NTAN1: variants seen among roughly 807,000 people sequenced by gnomAD.
NTAN1 encodes N-terminal asparagine amidase, also known as protein N-terminal asparagine amidohydrolase.
NTAN1 carries 32 observed loss-of-function variants against 41.9 expected under a neutral mutation model. The ratio of observed to expected loss-of-function variants is 0.76; its 90% CI spans 0.58 to 1.03. The LOEUF (loss-of-function observed/expected upper bound fraction) is 1.03. NTAN1 is among the 50% of genes least tolerant of loss of function. NTAN1 has a pLI of 0.00. For synonymous variants in NTAN1, 140 were observed against 139.5 expected, an observed-to-expected ratio of 1.00 and a Z score of -0.03; for missense variants, 377 against 377.5, an observed-to-expected ratio of 1.00 and a Z score of 0.01.
At chr16:15,039,692 G>A (rs2043721202) in intron 8 of NTAN1, among the ~76,000 whole-genome samples, 4 of 152,168 alleles carry the variant, frequency 2.6e-5, no homozygotes, top group African/African-American at 9.7e-5. Context: ...CTCTTACAAA[G>A]TAACAGAAGT....
At chr16:15,049,539 G>A (rs914133213) in intron 1 of NTAN1, among the ~76,000 whole-genome samples, 6 of 151,444 alleles carry the variant, frequency 4.0e-5, no homozygotes, top group Non-Finnish European at 5.9e-5. Flanking sequence ...AGCGATTCTC[G>A]TGCCTCAGCC....
intron 4 of NTAN1, 134 bp downstream of exon 4, chr16:15,047,308 G>C (rs975498769): frequency 3.0e-6 from 2 of 670,948 alleles, no homozygotes; most frequent in Admixed American, 4.6e-5. Flanking sequence ...CGTCGTGCCA[G>C]GTTCTGTTCC....
At chr16:15,043,079 T>C (rs963568869) in intron 5 of NTAN1, among the ~76,000 whole-genome samples, 6 of 152,280 alleles carry the variant, frequency 3.9e-5, no homozygotes, top group Middle Eastern at 6.8e-3. Flanking sequence ...TTTGTATTTT[T>C]AGTAGAGACG....
In NTAN1 at chr16:15,038,197, G is replaced by A. The variant is rs771761905; in HGVS notation, c.767C>T (p.Ser256Leu). The A allele has an allele frequency of 3.4e-5, 55 of 1,612,208 alleles. No homozygotes were observed. Among genetic ancestry groups the A allele is most frequent in the Non-Finnish European group, 4.2e-5 (50 of 1,179,196 alleles). ...AAAGTGGGGTGGCTCAGCCAGAGGC[G>A]AAGTGGAAAGATTCTGAAAACACAA... ...DKQILENLST[S>L]PLAEPPHFVE... Residue 256 changes from serine to leucine, a missense_variant, in exon 10 of 10, where the codon TCG becomes TTG. Physicochemically the swap from Ser to Leu is moderately radical, Grantham distance 145 (BLOSUM62 -2). Coordinates refer to ENST00000287706, the MANE Select transcript of NTAN1 (RefSeq NM_173474.4).
Position 15,041,805 on chromosome 16 carries a change from A to AC in NTAN1, c.434-130dup, listed in dbSNP as rs2043827807. On this transcript the variant is annotated intron_variant, in intron 5 of 9. Transcript: ENST00000287706. ...GTGCTCCGCCCTACAGCCCGCGCCC[A>AC]CACTGCCACAGCCTGGCCTATGGGG... 5.6e-6 allele frequency: 4 copies of AC among 719,192 alleles called. No homozygotes were observed. The East Asian group carries it at 1.1e-4, about 19-fold the overall frequency. 44.6% of individuals were successfully genotyped at this position (719,192 alleles called of 1,614,324 possible).
chr16:15,054,144 G>A (rs1191525486), intron 1 of NTAN1, among the ~76,000 whole-genome samples: 7 of 152,148 alleles, frequency 4.6e-5, no homozygotes, highest in African/African-American at 1.7e-4. Flanking sequence ...CGCCCCAGGC[G>A]GCTTGCCCAG....
At chr16:15,042,041 C>T (rs934105004) in intron 5 of NTAN1, among the ~76,000 whole-genome samples, 1 of 152,166 alleles carries the variant, frequency 6.6e-6, no homozygotes, top group Non-Finnish European at 1.5e-5. Context: ...AAAAATCTGG[C>T]CACTGTAACA....
At chr16:15,041,314 G>A (rs1161404137) in intron 6 of NTAN1, among the ~76,000 whole-genome samples, 193 bp from the exon 7 acceptor site, 3 of 152,142 alleles carry the variant, frequency 2.0e-5, no homozygotes, top group Non-Finnish European at 4.4e-5. Flanking sequence ...CAAACTGGCA[G>A]CTGCAGAATC....
chr16:15,055,401 G>A (rs1567777356), intron 1 of NTAN1, among the ~76,000 whole-genome samples: 1 of 152,196 alleles, frequency 6.6e-6, no homozygotes, highest in African/African-American at 2.4e-5. Flanking sequence ...GAGAGAGGAG[G>A]AAGGACTGGG....
At chr16:15,052,878 G>T (rs1400057450) in intron 1 of NTAN1, among the ~76,000 whole-genome samples, 3 of 152,036 alleles carry the variant, frequency 2.0e-5, no homozygotes, top group Non-Finnish European at 2.9e-5. Context: ...GCTACGCTGC[G>T]AGCATCTTGT....
At chr16:15,055,582 C>T (rs891626655) in intron 1 of NTAN1, among the ~76,000 whole-genome samples, 3 of 152,222 alleles carry the variant, frequency 2.0e-5, no homozygotes, top group African/African-American at 7.2e-5. Context: ...GCTGCAGCCG[C>T]CCCGTCGGGG....
intron 5 of NTAN1, 117 bp from the exon 6 acceptor site, chr16:15,041,793 C>G: frequency 1.3e-6 from 1 of 755,900 alleles, no homozygotes; most frequent in Non-Finnish European, 2.4e-6. Flanking sequence ...CTCCGCCCTA[C>G]AGCCCGCGCC....
intron 4 of NTAN1, among the ~76,000 whole-genome samples, chr16:15,046,294 G>A (rs973410799): frequency 3.3e-5 from 5 of 152,262 alleles, no homozygotes; most frequent in South Asian, 2.1e-4. Context: ...TTAAGCCTTC[G>A]TATATGATGG....
chr16:15,039,860 T>G (rs1468636346), intron 8 of NTAN1, 109 bp downstream of exon 8: 2 of 688,878 alleles, frequency 2.9e-6, no homozygotes, highest in Admixed American at 4.5e-5. Flanking sequence ...AATGTACGGC[T>G]ATAAAGAAGC....
rs2043633633 is a variant in NTAN1 at position 15,038,323 on chromosome 16, T to TAA, written c.754-115_754-114dup. The TAA allele has an allele frequency of 6.3e-6, 5 of 789,054 alleles. No homozygotes were observed. In the South Asian group the frequency reaches 8.0e-5, roughly 13 times the overall value. 48.9% of individuals were successfully genotyped at this position (789,054 alleles called of 1,614,324 possible). A position where few individuals can be genotyped will look rare whatever the true frequency, so the allele number is the denominator to read the frequency against. On this transcript the variant is annotated intron_variant, in intron 9 of 9. Transcript: ENST00000287706. ...CACAAATATATATAATAAAATACGT[T>TAA]AAGAAATGAGGTGGCCTGAATTAGT...
intron 1 of NTAN1, among the ~76,000 whole-genome samples, chr16:15,054,033 C>A (rs149282862): frequency 2.6e-5 from 4 of 152,296 alleles, no homozygotes; most frequent in South Asian, 2.1e-4. Context: ...TACAATCCAC[C>A]CCTGTAAGGT....
chr16:15,041,579 C>T, intron 6 of NTAN1, 44 bp downstream of exon 6: 2 of 1,422,390 alleles, frequency 1.4e-6, no homozygotes, highest in Non-Finnish European at 2.0e-6. Context: ...ACAAAACGGT[C>T]CTGAGACCCA....
At chr16:15,054,879 C>T (rs1355328176) in intron 1 of NTAN1, among the ~76,000 whole-genome samples, 1 of 152,214 alleles carries the variant, frequency 6.6e-6, no homozygotes, top group Non-Finnish European at 1.5e-5. Context: ...ACAGCTGTGA[C>T]AGATGAAACC....
intron 5 of NTAN1, among the ~76,000 whole-genome samples, chr16:15,043,076 T>C (rs1005238848): frequency 1.3e-5 from 2 of 152,056 alleles, no homozygotes; most frequent in African/African-American, 4.8e-5. Flanking sequence ...AATTTTGTAT[T>C]TTTAGTAGAG....
Sources: allele counts gnomAD v4.1 joint callset (sites outside exome capture counted in the v4.1 genomes callset), GRCh38; gene constraint gnomAD v4.1.1; transcripts MANE v1.5; gene names NCBI Gene and HGNC (gene_info 2026-07-23, HGNC 2026-07-21).